Variants in PRSS12 observed in about 807,000 individuals in gnomAD.
PRSS12 encodes neurotrypsin.
A neutral mutation model predicts 104.4 loss-of-function variants in PRSS12; 85 were observed. The observed-to-expected ratio is 0.81, with a 90% CI of 0.68 to 0.98. PRSS12 has a LOEUF of 0.98. Ranked by LOEUF, PRSS12 falls within the 50% of genes least tolerant of loss-of-function variation. The pLI is 0.00. For synonymous variants in PRSS12, 454 were observed against 425.2 expected, an observed-to-expected ratio of 1.07 and a Z score of -0.83; for missense variants, 1,141 against 1,139.2, an observed-to-expected ratio of 1.00 and a Z score of -0.02.
At chr4:118,337,665 G>C (rs1037812342) in intron 2 of PRSS12, among the ~76,000 whole-genome samples, 1 of 152,028 alleles carries the variant, frequency 6.6e-6, no homozygotes, top group Admixed American at 6.6e-5. Flanking sequence ...TCAAGGACAA[G>C]GGCACAGGTA....
Position 118,331,842 on chromosome 4 carries a change from A to G in PRSS12, c.845T>C (p.Leu282Pro). 1 of 1,614,160 alleles carries G rather than the reference A, an allele frequency of 6.2e-7. No homozygotes were observed. Among genetic ancestry groups the G allele is most frequent in the Non-Finnish European group, 8.5e-7 (1 of 1,180,028 alleles). The change falls in exon 4 of 13, where the codon CTT becomes CCT. Residue 282 changes from leucine (L) to proline (P), a missense_variant. Leu to Pro is a moderately conservative substitution (Grantham distance 98). Transcript: ENST00000296498. ...TTCATGCACACTGCTGCCTCCAGCA[A>G]GGCGAATGATGGGGAACGTTGGGCC... ...SHGPTFPIIR[L>P]AGGSSVHEGR...
intron 4 of PRSS12, among the ~76,000 whole-genome samples, chr4:118,330,047 C>A (rs1723878213): frequency 6.6e-6 from 1 of 152,208 alleles, no homozygotes; most frequent in African/African-American, 2.4e-5. Flanking sequence ...AGAAAATGAT[C>A]ATACCATCGT....
intron 1 of PRSS12, among the ~76,000 whole-genome samples, chr4:118,343,182 G>A (rs908346889): frequency 1.8e-4 from 28 of 151,970 alleles, no homozygotes; most frequent in Admixed American, 5.9e-4. Flanking sequence ...TGAGCCCTGG[G>A]GTTAGAGATC....
At chr4:118,316,075 G>T in intron 6 of PRSS12, 107 bp downstream of exon 6, 2 of 1,251,670 alleles carry the variant, frequency 1.6e-6, no homozygotes, top group South Asian at 2.6e-5. Flanking sequence ...AGGTAGGAGA[G>T]AACAGGTATT....
At chr4:118,319,048 C>T (rs1483135897) in intron 4 of PRSS12, among the ~76,000 whole-genome samples, 1 of 151,874 alleles carries the variant, frequency 6.6e-6, no homozygotes, top group African/African-American at 2.4e-5. Context: ...TTTTAGACGC[C>T]TAAGTTTTGT....
intron 9 of PRSS12, 129 bp downstream of exon 9, chr4:118,298,604 T>A (rs961225851): frequency 7.9e-6 from 8 of 1,011,610 alleles, no homozygotes; most frequent in Non-Finnish European, 1.2e-5. Context: ...CGGATCTAAG[T>A]AATAGCACAA....
In PRSS12 at chr4:118,316,285, C is replaced by T; in HGVS notation, c.1189G>A (p.Glu397Lys). 6.2e-7 allele frequency: 1 copy of T among 1,614,134 alleles called. No homozygotes were observed. Among genetic ancestry groups the T allele is most frequent in the Non-Finnish European group, 8.5e-7 (1 of 1,180,018 alleles). Residue 397 changes from glutamate to lysine, a missense_variant, in exon 6 of 13, where the codon GAG becomes AAG. By Grantham distance (56) the Glu-to-Lys change is moderately conservative. Transcript: ENST00000296498. ...CTGTAATATACCTCCAAGCGACCCT[C>T]ATGGCTGCCTTTCCCACCTGCAAGT... ...IRLAGGKGSH[E>K]GRLEVYYRGQ...
chr4:118,298,529 T>C (rs788668), intron 9 of PRSS12, among the ~76,000 whole-genome samples: 128,585 of 152,124 alleles, frequency 0.85, 56,049 homozygotes, highest in South Asian at 0.95. Flanking sequence ...CCCCGTAAAT[T>C]CATTCCTACC....
At chr4:118,308,999 C>A (rs960700191) in intron 7 of PRSS12, among the ~76,000 whole-genome samples, 13 of 151,246 alleles carry the variant, frequency 8.6e-5, no homozygotes, top group African/African-American at 3.2e-4. Flanking sequence ...ACACCAAAGA[C>A]AAGATTTTTA....
In PRSS12 at chr4:118,295,907, G is replaced by T. The variant is rs1229330872; in HGVS notation, c.1838-51C>A. 4.7e-6 allele frequency: 7 copies of T among 1,501,758 alleles called. No homozygotes were observed. The East Asian group carries it at 1.1e-4, about 24-fold the overall frequency. The allele number at this position is 1,501,758 out of a possible 1,614,324, so 93.0% of individuals were successfully genotyped here. ...AAACTATCACATTGCTGACAGAGGG[G>T]TAAGACGATAAGTGACATACTCCAC... On this transcript the variant is annotated intron_variant, in intron 9 of 12. Coordinates refer to ENST00000296498, the MANE Select transcript of PRSS12 (RefSeq NM_003619.4).
intron 1 of PRSS12, 36 bp from the exon 2 acceptor site, chr4:118,338,350 T>C (rs1444817102): frequency 1.2e-6 from 2 of 1,612,336 alleles, no homozygotes. Flanking sequence ...CCTTTAATAG[T>C]AAATAATCAT....
chr4:118,347,409 G>A (rs762718911), intron 1 of PRSS12, among the ~76,000 whole-genome samples: 7 of 152,210 alleles, frequency 4.6e-5, no homozygotes, highest in African/African-American at 9.6e-5. Context: ...GAGATTTTGG[G>A]TGGGTAGGTG....
chr4:118,290,341 G>A (rs984433442), intron 11 of PRSS12, among the ~76,000 whole-genome samples: 2 of 152,164 alleles, frequency 1.3e-5, no homozygotes, highest in African/African-American at 4.8e-5. Context: ...GAACTCCTAT[G>A]ACTGTAACTT....
chr4:118,292,321 G>T (rs544469020), intron 11 of PRSS12, among the ~76,000 whole-genome samples: 1 of 152,192 alleles, frequency 6.6e-6, no homozygotes, highest in African/African-American at 2.4e-5. Flanking sequence ...TAAGCAAGTG[G>T]GTCTTAACCT....
At chr4:118,292,040 A>G (rs1743140814) in intron 11 of PRSS12, among the ~76,000 whole-genome samples, 2 of 152,050 alleles carry the variant, frequency 1.3e-5, no homozygotes, top group South Asian at 4.1e-4. Flanking sequence ...ACAAACCTGC[A>G]CGTTCTGCAC....
At position 118,295,817 on chromosome 4, in the gene PRSS12, C is replaced by T. The variant is rs976844493; in HGVS notation, c.1877G>A (p.Arg626His). Residue 626 changes from arginine (R) to histidine (H), a missense_variant, in exon 10 of 13, where the codon CGT (arginine) becomes CAT (histidine). Coordinates refer to ENST00000296498, the MANE Select transcript of PRSS12 (RefSeq NM_003619.4). ...CCCACCAATGATCCGCTTCTGCCGA[C>T]GGTGCAGTAATCTCAAGCCACAAAC... ...SSVCGLRLLH[R>H]RQKRIIGGKN... 1.1e-5 allele frequency: 18 copies of T among 1,613,916 alleles called. No individual in the cohort carries two copies. The highest frequency in any genetic ancestry group is 6.7e-5 in the East Asian group (3 of 44,886).
chr4:118,313,194 T>TC lies in PRSS12; in HGVS notation c.1489+6dup. The TC allele has an allele frequency of 6.2e-7, 1 of 1,612,550 alleles. No individual in the cohort carries two copies. Among genetic ancestry groups the TC allele is most frequent in the Non-Finnish European group, 8.5e-7 (1 of 1,179,706 alleles). On this transcript the variant is annotated splice_region_variant and intron_variant, in intron 7 of 12. Transcript: ENST00000296498. ...ATGGAAACTTGAGAGCTGCAGCCAGTCCTCACCCAGAGAGAGCCTGTGTCC... is the reference window on the plus strand; with the variant it reads ...ATGGAAACTTGAGAGCTGCAGCCAGTCCCTCACCCAGAGAGAGCCTGTGTCC...
rs1217119031 is a variant in PRSS12 at position 118,283,102 on chromosome 4, G to A, written c.2049C>T (p.Asn683=). ...CCCTAACAGCATAGCTCCTAGTGCT[G>A]TTGCCATACCTGAGAGGCAGAGAGT... is the stretch of plus-strand genomic sequence containing the variant. The part of the protein sequence containing the change: ...TAAHCFKRYG[N]STRSYAVRVG... Residue 683 remains asparagine, a synonymous_variant, in exon 12 of 13, where the codon AAC becomes AAT. Coordinates refer to ENST00000296498, the MANE Select transcript of PRSS12 (RefSeq NM_003619.4). 3 of 1,614,050 alleles carry A rather than the reference G, an allele frequency of 1.9e-6. No individual in the cohort carries two copies. Among genetic ancestry groups the A allele is most frequent in the East Asian group, 2.2e-5 (1 of 44,888 alleles).
chr4:118,334,559 CA>C (rs1288328053), intron 3 of PRSS12, among the ~76,000 whole-genome samples: 25 of 145,544 alleles, frequency 1.7e-4, no homozygotes, highest in Non-Finnish European at 2.7e-4. Context: ...CTCTCCCAGT[CA>C]AAAAAAAAAG....
Sources: allele counts gnomAD v4.1 joint callset (sites outside exome capture counted in the v4.1 genomes callset), GRCh38; gene constraint gnomAD v4.1.1; transcripts MANE v1.5; gene names NCBI Gene and HGNC (gene_info 2026-07-23, HGNC 2026-07-21).